The following ZNF215 variants were observed in gnomAD, a reference collection of about 807,000 sequenced individuals.
The protein encoded by ZNF215 is zinc finger protein 215, also known as BWSCR2-associated zinc finger protein 2.
A neutral mutation model predicts 27.2 loss-of-function variants in ZNF215; 24 were observed. That is an observed-to-expected ratio of 0.88 (90% CI 0.64 to 1.24). The LOEUF (loss-of-function observed/expected upper bound fraction) is 1.24, where lower values mean the gene tolerates loss of function less well. ZNF215 is among the 50% of genes most tolerant of loss of function. The pLI is 0.00. For missense variants in ZNF215, 675 were observed against 605.7 expected (o/e 1.11, Z -1.20); for synonymous variants, 210 against 204.0 (o/e 1.03, Z -0.25).
At chr11:6,959,683 A>C (rs1408680857), downstream of ZNF215, among the ~76,000 whole-genome samples, 1 of 152,216 alleles carries the variant, frequency 6.6e-6, no homozygotes, top group Non-Finnish European at 1.5e-5. Context: ...TCCACACATT[A>C]AACTACAAAT....
downstream of ZNF215, among the ~76,000 whole-genome samples, chr11:6,963,035 A>G (rs1237105222): frequency 3.3e-5 from 5 of 152,194 alleles, no homozygotes; most frequent in East Asian, 7.7e-4. Context: ...AAGCAAATTA[A>G]CAGCTCTACC....
chr11:6,953,408 A>C (rs1850171567), intron 6 of ZNF215, among the ~76,000 whole-genome samples: 1 of 152,154 alleles, frequency 6.6e-6, no homozygotes, highest in Non-Finnish European at 1.5e-5. Flanking sequence ...ACATAGTCCC[A>C]TATTTCTTGG....
intron 5 of ZNF215, 74 bp from the exon 6 acceptor site, chr11:6,943,472 A>G: frequency 7.2e-7 from 1 of 1,386,800 alleles, no homozygotes; most frequent in Non-Finnish European, 1.0e-6. Flanking sequence ...GGATAGAATT[A>G]TCTTCTCTAT....
intron 5 of ZNF215, among the ~76,000 whole-genome samples, chr11:6,981,511 C>T (rs1163987875): frequency 6.6e-6 from 1 of 152,072 alleles, no homozygotes; most frequent in Non-Finnish European, 1.5e-5. Context: ...GGATATCAGC[C>T]TTTTGTCAGA....
chr11:6,943,712 C>T, intron 6 of ZNF215, 71 bp downstream of exon 6: 1 of 1,188,916 alleles, frequency 8.4e-7, no homozygotes, highest in Non-Finnish European at 1.2e-6. Context: ...AATGTGCAAC[C>T]CAATCTTTGA....
intron 2 of ZNF215, among the ~76,000 whole-genome samples, chr11:6,929,668 G>T (rs1371557895): frequency 2.0e-5 from 3 of 152,140 alleles, no homozygotes; most frequent in Non-Finnish European, 4.4e-5. Flanking sequence ...TTATCACATT[G>T]TCTCGAGGCT....
At chr11:6,952,585 C>T (rs7115202) in intron 6 of ZNF215, among the ~76,000 whole-genome samples, 28,909 of 150,012 alleles carry the variant, frequency 0.19, 2,892 homozygotes, top group Middle Eastern at 0.24. Flanking sequence ...TCCATTTGCT[C>T]GGTAGATCTT....
At chr11:6,954,574 T>G (rs1423637103) in intron 6 of ZNF215, among the ~76,000 whole-genome samples, 1 of 152,244 alleles carries the variant, frequency 6.6e-6, no homozygotes, top group Non-Finnish European at 1.5e-5. Flanking sequence ...CGCCATTTTT[T>G]AAGCCTGTCG....
In ZNF215 at chr11:6,932,247, C is replaced by T; in HGVS notation, c.-26C>T. ...TGCAATCTAGTAAGGCGGATTTGAA[C>T]TACTGTGGGAGTTCTATTTAGGAAG... On this transcript the variant is annotated 5_prime_UTR_variant, in exon 3 of 7. Coordinates refer to ENST00000278319, the MANE Select transcript of ZNF215 (RefSeq NM_013250.4). The T allele has an allele frequency of 2.5e-6, 4 of 1,600,744 alleles. No individual in the cohort carries two copies. Among genetic ancestry groups the T allele is most frequent in the Non-Finnish European group, 3.4e-6 (4 of 1,173,512 alleles).
rs113073177 is a variant in ZNF215, at chr11:6,984,048, C to T, written c.806-81C>T. 3.7e-3 allele frequency: 1,327 copies of T among 357,992 alleles called. 24 individuals carry two copies. Among genetic ancestry groups the T allele is most frequent in the African/African-American group, 0.026 (1,154 of 44,860 alleles). 22.2% of individuals were successfully genotyped at this position (357,992 alleles called of 1,614,324 possible). ...ATATAAAAATTAACATACTCTCAAA[C>T]GCTATCTTTGGGGGTATGAAGTGGT... On this transcript the variant is annotated intron_variant, in intron 5 of 5. Transcript: ENST00000529903.
intron 5 of ZNF215, among the ~76,000 whole-genome samples, chr11:6,966,779 AT>A (rs905999859): frequency 4.7e-5 from 7 of 148,254 alleles, no homozygotes; most frequent in African/African-American, 1.5e-4. Flanking sequence ...GTAGATGCTT[AT>A]TTTTTTTTAA....
Position 6,957,197 on chromosome 11 carries a change from T to C in ZNF215, c.*666T>C. On this transcript the variant is annotated 3_prime_UTR_variant, in exon 7 of 7. Coordinates refer to ENST00000278319, the MANE Select transcript of ZNF215 (RefSeq NM_013250.4). ...TTTATAGCAGGTCCTTGAAAAATGTTTTTGTTTTGTTATAATGTTATAATT... is the reference window on the plus strand; with the variant it reads ...TTTATAGCAGGTCCTTGAAAAATGTCTTTGTTTTGTTATAATGTTATAATT... The C allele has an allele frequency of 2.0e-6, 2 of 984,588 alleles. No individual in the cohort carries two copies. Among genetic ancestry groups the C allele is most frequent in the Non-Finnish European group, 2.4e-6 (2 of 829,150 alleles). 61.0% of individuals were successfully genotyped at this position (984,588 alleles called of 1,614,324 possible).
chr11:6,965,171 A>C (rs1302959343), intron 5 of ZNF215, among the ~76,000 whole-genome samples: 1 of 152,116 alleles, frequency 6.6e-6, no homozygotes, highest in Non-Finnish European at 1.5e-5. Flanking sequence ...CACCAAATTG[A>C]GAACAGTGTT....
At chr11:6,990,721 T>C (rs764933893), downstream of ZNF215, among the ~76,000 whole-genome samples, 1 of 152,256 alleles carries the variant, frequency 6.6e-6, no homozygotes, top group Non-Finnish European at 1.5e-5. Context: ...CTAATTCTAA[T>C]TTGTCAATTC....
chr11:6,941,926 T>C (rs1260268388), intron 4 of ZNF215, among the ~76,000 whole-genome samples: 3 of 152,122 alleles, frequency 2.0e-5, no homozygotes, highest in Non-Finnish European at 2.9e-5. Context: ...GAATTAAGCC[T>C]CAAGAGTAGA....
chr11:6,935,531 A>T (rs950930432), intron 3 of ZNF215, among the ~76,000 whole-genome samples: 2 of 152,260 alleles, frequency 1.3e-5, no homozygotes, highest in Non-Finnish European at 2.9e-5. Context: ...AAAAGTTACT[A>T]AATGAGCAAT....
intron 4 of ZNF215, among the ~76,000 whole-genome samples, chr11:6,942,843 G>C (rs1849677413): frequency 6.6e-6 from 1 of 152,118 alleles, no homozygotes; most frequent in Non-Finnish European, 1.5e-5. Context: ...AGCTACTTTA[G>C]AATAAGGACT....
intron 6 of ZNF215, among the ~76,000 whole-genome samples, chr11:6,953,280 C>T (rs894890887): frequency 6.6e-6 from 1 of 152,152 alleles, no homozygotes; most frequent in Non-Finnish European, 1.5e-5. Context: ...GAATGTTGGC[C>T]TGCCTTGCTA....
intron 2 of ZNF215, among the ~76,000 whole-genome samples, chr11:6,928,304 A>G (rs1223609274): frequency 6.6e-6 from 1 of 151,846 alleles, no homozygotes; most frequent in Non-Finnish European, 1.5e-5. Flanking sequence ...TACTTTTTTG[A>G]CTTTATCTGT....
Sources: allele counts gnomAD v4.1 joint callset (sites outside exome capture counted in the v4.1 genomes callset), GRCh38; gene constraint gnomAD v4.1.1; transcripts MANE v1.5; gene names NCBI Gene and HGNC (gene_info 2026-07-23, HGNC 2026-07-21).